Variants in PADI4 observed in about 807,000 individuals in gnomAD.
The protein encoded by PADI4 is protein-arginine deiminase type-4.
In PADI4, 62 loss-of-function variants were observed where a neutral mutation model predicts 75.0. The ratio of observed to expected loss-of-function variants is 0.83; its 90% CI spans 0.67 to 1.02. The LOEUF is 1.02. Among genes scored for constraint, PADI4 ranks in the 50% least tolerant of loss-of-function variants. The pLI is 0.00. For missense variants in PADI4, 845 were observed against 850.5 expected, an observed-to-expected ratio of 0.99 and a Z score of 0.08; for synonymous variants, 361 against 348.1, an observed-to-expected ratio of 1.04 and a Z score of -0.41.
intron 1 of PADI4, among the ~76,000 whole-genome samples, chr1:17,310,132 C>G (rs539082406): frequency 2.0e-5 from 3 of 152,222 alleles, no homozygotes; most frequent in Non-Finnish European, 4.4e-5. Flanking sequence ...GAACATCTCA[C>G]GTAACAATGG....
intron 9 of PADI4, among the ~76,000 whole-genome samples, chr1:17,347,258 C>G (rs964783992): frequency 6.6e-6 from 1 of 152,044 alleles, no homozygotes. Flanking sequence ...TTTTTGATAC[C>G]AAGTTGACCT....
At chr1:17,352,021 C>CAGTAGGAGAGGCCGT (rs1557576606) in intron 10 of PADI4, among the ~76,000 whole-genome samples, 1 of 13,432 alleles carries the variant, frequency 7.4e-5, no homozygotes, top group African/African-American at 4.2e-4. Flanking sequence ...GGAGAGGCGG[C>CAGTAGGAGAGGCCGT]CAGGGAGGTG....
At chr1:17,334,406 G>A (rs563833773) in intron 3 of PADI4, 8 of 460,974 alleles carry the variant, frequency 1.7e-5, no homozygotes, top group East Asian at 7.0e-5. Flanking sequence ...AGGTTCAAGC[G>A]ATCCTCCTGC....
intron 10 of PADI4, among the ~76,000 whole-genome samples, chr1:17,351,683 C>A (rs534574135): frequency 2.7e-5 from 4 of 150,644 alleles, no homozygotes; most frequent in East Asian, 2.0e-4. Context: ...GAGAAGCTGA[C>A]CTTGCAGCAG....
At position 17,328,647 on chromosome 1, in the gene PADI4, TA is replaced by T. The variant is rs879594784; in HGVS notation, c.93-2310del. ...GGGTGACAAAGGGAGACCCTGTCTCTAAAAAAAAAAAATAAGTTTAACTCTA... is the reference window on the plus strand; with the variant it reads ...GGGTGACAAAGGGAGACCCTGTCTCTAAAAAAAAAAATAAGTTTAACTCTA... On this transcript the variant is annotated intron_variant, in intron 1 of 15. Transcript: ENST00000375448. Among the ~76,000 whole-genome samples the T allele has an allele frequency of 9.9e-4, 96 of 96,916 alleles. No individual in the cohort carries two copies. The South Asian group carries it at 0.015, about 15-fold the overall frequency. The allele number at this position is 96,916 out of a possible 152,430, so 63.6% of individuals were successfully genotyped here.
Position 17,346,037 on chromosome 1 carries a change from A to G in PADI4, c.945A>G (p.Glu315=). Residue 315 remains glutamate, a synonymous_variant, in exon 9 of 16, where the codon GAA becomes GAG. Transcript: ENST00000375448. This position sits in a 1 kb window ranked among gnomAD's most constrained non-coding sequence, Gnocchi z 4.3. ...PQEVYACSIF[E]NEDFLKSVTT... ...TTTCTGCTCTCTCTAGTATTTTTGA[A>G]AATGAGGACTTCCTGAAGTCAGTGA... The G allele has an allele frequency of 6.2e-7, 1 of 1,607,774 alleles. No individual in the cohort carries two copies. The highest frequency in any genetic ancestry group is 8.5e-7 in the Non-Finnish European group (1 of 1,174,290).
intron 1 of PADI4, among the ~76,000 whole-genome samples, chr1:17,310,551 G>A (rs1172548679): frequency 6.6e-6 from 1 of 152,106 alleles, no homozygotes; most frequent in African/African-American, 2.4e-5. Context: ...CAGGAACCCG[G>A]GAGGCAGAGG....
At chr1:17,324,308 C>T (rs2074084735) in intron 1 of PADI4, among the ~76,000 whole-genome samples, 1 of 151,948 alleles carries the variant, frequency 6.6e-6, no homozygotes, top group South Asian at 2.1e-4. Context: ...CATTCTCTTA[C>T]TTGTTAGTAA....
Position 17,363,832 on chromosome 1 carries a change from T to C in PADI4, c.*77T>C. 9.9e-7 allele frequency: 1 copy of C among 1,006,956 alleles called. No individual in the cohort carries two copies. Among genetic ancestry groups the C allele is most frequent in the Non-Finnish European group, 1.5e-6 (1 of 657,124 alleles). 62.4% of individuals were successfully genotyped at this position (1,006,956 alleles called of 1,614,324 possible). A position where few individuals can be genotyped will look rare whatever the true frequency, so the allele number is the denominator to read the frequency against. On this transcript the variant is annotated 3_prime_UTR_variant, in exon 16 of 16. Coordinates refer to ENST00000375448, the MANE Select transcript of PADI4 (RefSeq NM_012387.3). ...CTGCAGTGTGGCAAGCAAGAGCTCT[T>C]GTGAATATTGTGGCTCCCTGGGGGC...
Position 17,341,986 on chromosome 1 carries a change from G to A in PADI4, c.696G>A (p.Lys232=). 1 of 1,614,152 alleles carries A rather than the reference G, an allele frequency of 6.2e-7. No homozygotes were observed. The change falls in exon 7 of 16, where the codon AAG becomes AAA. Residue 232 remains lysine, a synonymous_variant. Transcript: ENST00000375448. ...AGTGCAGCGTAGTCTTGGGTCCCAA[G>A]TGGCCCTCTCACTACCTGATGGTCC... ...SSKCSVVLGP[K]WPSHYLMVPG... is the part of the protein sequence containing the mutation.
Position 17,324,157 on chromosome 1 carries a change from T to G in PADI4, c.93-6812T>G, listed in dbSNP as rs897297526. On this transcript the variant is annotated intron_variant, in intron 1 of 15. Coordinates refer to ENST00000375448, the MANE Select transcript of PADI4 (RefSeq NM_012387.3). Reference sequence around the variant, plus strand: ...TAACACCAAGTTGGGTTTTTTTTGTTTTTTTTTTTTTGCAAAATGGTTAAT... The same window carrying G: ...TAACACCAAGTTGGGTTTTTTTTGTGTTTTTTTTTTTGCAAAATGGTTAAT... 7.9e-5 allele frequency among the ~76,000 whole-genome samples: 12 copies of G among 151,212 alleles called. No homozygotes were observed. The East Asian group carries it at 1.6e-3, about 20-fold the overall frequency.
intron 1 of PADI4, among the ~76,000 whole-genome samples, chr1:17,310,240 C>T (rs1216670001): frequency 2.0e-5 from 3 of 152,086 alleles, no homozygotes; most frequent in Admixed American, 1.3e-4. Context: ...GAAACAGAGG[C>T]TCCAAGAAGT....
At chr1:17,311,750 C>T (rs2073834335) in intron 1 of PADI4, among the ~76,000 whole-genome samples, 1 of 152,074 alleles carries the variant, frequency 6.6e-6, no homozygotes, top group South Asian at 2.1e-4. Context: ...TGGTCTCGAT[C>T]TCCTGACCTC....
intron 6 of PADI4, among the ~76,000 whole-genome samples, 156 bp downstream of exon 6, chr1:17,339,969 A>G (rs2074385858): frequency 6.6e-6 from 1 of 152,132 alleles, no homozygotes; most frequent in South Asian, 2.1e-4. Context: ...CATCTCGTCT[A>G]CTACCTTCCA....
intron 2 of PADI4, among the ~76,000 whole-genome samples, chr1:17,333,067 C>T (rs1279193827): frequency 1.3e-5 from 2 of 152,154 alleles, no homozygotes. Flanking sequence ...CTGCAAACAA[C>T]AGGAAGCCAA....
chr1:17,330,273 C>T lies in PADI4; in HGVS notation c.93-696C>T, dbSNP rs79914310. Among the ~76,000 whole-genome samples the T allele has an allele frequency of 8.5e-3, 1,300 of 152,278 alleles. 22 individuals carry two copies. The highest frequency in any genetic ancestry group is 0.029 in the African/African-American group (1,224 of 41,524). The stretch of plus-strand genomic sequence containing the variant: ...ACAACCTTACAGTACTTACTCCCCA[C>T]GGTCAGAGTAAGCACTGGCTGCTGT... On this transcript the variant is annotated intron_variant, in intron 1 of 15. Coordinates refer to ENST00000375448, the MANE Select transcript of PADI4 (RefSeq NM_012387.3).
chr1:17,317,683 C>T (rs373109099), intron 1 of PADI4, among the ~76,000 whole-genome samples: 3 of 152,302 alleles, frequency 2.0e-5, no homozygotes, highest in Admixed American at 6.5e-5. Context: ...GGCAGTGGTT[C>T]TCACACTTGA....
intron 10 of PADI4, among the ~76,000 whole-genome samples, chr1:17,352,768 G>A (rs1026318156): frequency 6.6e-6 from 1 of 152,224 alleles, no homozygotes; most frequent in African/African-American, 2.4e-5. Context: ...GGGCAAGTGG[G>A]AGACAATTGG....
intron 1 of PADI4, among the ~76,000 whole-genome samples, chr1:17,311,379 C>T (rs891487303): frequency 1.3e-5 from 2 of 152,184 alleles, no homozygotes; most frequent in Non-Finnish European, 2.9e-5. Flanking sequence ...GCACTGCTCC[C>T]TGTGGGCAGA....
Sources: gnomAD v4.1 joint callset for allele counts (sites outside exome capture counted in the v4.1 genomes callset) on GRCh38, gnomAD v4.1.1 for gene constraint, Gnocchi (gnomAD v3.1) non-coding constraint, MANE v1.5 for transcripts, NCBI Gene and HGNC (gene_info 2026-07-23, HGNC 2026-07-21) for gene names.